NAV1: variants seen among roughly 807,000 people sequenced by gnomAD.
The protein encoded by NAV1 is neuron navigator 1, also known as pore membrane and/or filament interacting like protein 3.
NAV1 carries 18 observed loss-of-function variants against 175.2 expected under a neutral mutation model. The observed-to-expected ratio is 0.10, with a 90% CI of 0.07 to 0.15. The LOEUF (loss-of-function observed/expected upper bound fraction) is 0.15. Ranked by LOEUF, NAV1 falls within the 10% of genes least tolerant of loss-of-function variation. The pLI is 1.00. For synonymous variants in NAV1, 897 were observed against 978.7 expected (o/e 0.92, Z 1.56); for missense variants, 1,731 against 2,436.6 (o/e 0.71, Z 6.10).
chr1:201,674,532 T>A (rs1219146595), intron 1 of NAV1, among the ~76,000 whole-genome samples: 1 of 152,170 alleles, frequency 6.6e-6, no homozygotes, highest in African/African-American at 2.4e-5. Context: ...AGAGGCTGGA[T>A]AATTTATTTA....
In NAV1 at chr1:201,725,688, G is replaced by A. The variant is rs567511049; in HGVS notation, c.1226+6933G>A. On this transcript the variant is annotated intron_variant, in intron 3 of 29. Transcript: ENST00000367296. ...ATGAATAAGTGGGCTAGGCGCAGTG[G>A]CTTATGTCTGTAATCCCAGCACTTT... Among the ~76,000 whole-genome samples, 30 of 152,228 alleles carry A rather than the reference G, an allele frequency of 2.0e-4. No individual in the cohort carries two copies. In the South Asian group the frequency reaches 6.0e-3, roughly 31 times the overall value.
chr1:201,794,036 A>G (rs977096572), intron 14 of NAV1, 161 bp downstream of exon 18: 3 of 719,588 alleles, frequency 4.2e-6, no homozygotes, highest in African/African-American at 1.7e-5. Context: ...CAGTGTGAGC[A>G]TATTCCTTAT....
chr1:201,659,370 C>T (rs1032776230), intron 1 of NAV1, among the ~76,000 whole-genome samples: 3 of 152,212 alleles, frequency 2.0e-5, no homozygotes, highest in African/African-American at 7.2e-5. Context: ...AATCCCAGCA[C>T]TTTGGGAGGC....
chr1:201,601,043 A>G (rs1484938955), intron 2 of NAV1, among the ~76,000 whole-genome samples: 1 of 152,186 alleles, frequency 6.6e-6, no homozygotes, highest in Non-Finnish European at 1.5e-5. Flanking sequence ...TGGCAGCCAT[A>G]GCAGTCACCC....
chr1:201,566,934 AT>A (rs1399995397), intron 1 of NAV1, among the ~76,000 whole-genome samples: 4 of 152,260 alleles, frequency 2.6e-5, no homozygotes, highest in Non-Finnish European at 2.9e-5. Context: ...CATTTTAAAT[AT>A]TATTTCATAT....
rs113513106 is a variant in NAV1, at chr1:201,774,988, C to T, written c.1227-5433C>T. Among the ~76,000 whole-genome samples the T allele has an allele frequency of 4.9e-3, 735 of 150,462 alleles. 12 individuals carry two copies. The highest frequency in any genetic ancestry group is 0.017 in the African/African-American group (704 of 41,400). On this transcript the variant is annotated intron_variant, in intron 3 of 29. Coordinates refer to ENST00000367296, the Ensembl canonical transcript of NAV1. ...AGTGGGGCAGCAACTCAATTTGCAC[C>T]CCAGAATCCTCAAAAAGCTTCATAA...
chr1:201,553,909 A>C (rs1020905220), intron 1 of NAV1, among the ~76,000 whole-genome samples: 4 of 152,222 alleles, frequency 2.6e-5, no homozygotes, highest in African/African-American at 9.6e-5. Context: ...GATTCCTTTC[A>C]TTGCGGTAGG....
rs1285266799 is a variant in NAV1 at position 201,819,831 on chromosome 1, C to T, written c.5539-6C>T. ...CTCATAAATCCATCTTTTTGCCCCCCTTTAGATGGCCATGCTGCTGAAACT... is the reference window on the plus strand; with the variant it reads ...CTCATAAATCCATCTTTTTGCCCCCTTTTAGATGGCCATGCTGCTGAAACT... On this transcript the variant is annotated splice_polypyrimidine_tract_variant and splice_region_variant and intron_variant, in intron 29 of 29. Transcript: ENST00000367296. 2 of 1,613,922 alleles carry T rather than the reference C, an allele frequency of 1.2e-6. No individual in the cohort carries two copies. The highest frequency in any genetic ancestry group is 1.7e-4 in the Middle Eastern group (1 of 6,060).
In NAV1 at chr1:201,788,038, C is replaced by A. The variant is rs775904038; in HGVS notation, c.2996-430C>A. Among the ~76,000 whole-genome samples, 4 of 152,164 alleles carry A rather than the reference C, an allele frequency of 2.6e-5. No individual in the cohort carries two copies. The highest frequency in any genetic ancestry group is 4.4e-5 in the Non-Finnish European group (3 of 68,028). On this transcript the variant is annotated intron_variant, in intron 9 of 29. Transcript: ENST00000367296. This position sits in a 1 kb window ranked among gnomAD's most constrained non-coding sequence, Gnocchi z 5.7. ...CCTTCTCTAGCTGGTGCTTTTTCAT[C>A]ATTCAGATCTGGGTCTTGGTTTGAA...
rs118128296 is a variant in NAV1, at chr1:201,758,104, A to C, written c.1227-22317A>C. Among the ~76,000 whole-genome samples the C allele has an allele frequency of 7.2e-4, 109 of 152,300 alleles. 2 individuals carry two copies. In the East Asian group the frequency reaches 0.019, roughly 27 times the overall value. On this transcript the variant is annotated intron_variant, in intron 3 of 29. Transcript: ENST00000367296. ...TTTTGGATTCTTGCCCACGAGTTGC[A>C]TAGACTTCCTTTACAAAGTAAGGTC...
chr1:201,605,690 G>A (rs1413278289), intron 2 of NAV1, among the ~76,000 whole-genome samples: 1 of 152,198 alleles, frequency 6.6e-6, no homozygotes, highest in African/African-American at 2.4e-5. Flanking sequence ...TTTAATAGTT[G>A]CACAAGTAAG....
At chr1:201,573,613 T>C (rs1252953964) in intron 1 of NAV1, among the ~76,000 whole-genome samples, 1 of 152,146 alleles carries the variant, frequency 6.6e-6, no homozygotes, top group Non-Finnish European at 1.5e-5. Flanking sequence ...TGTCTTCTGC[T>C]CCAGGCCTGC....
chr1:201,747,001 A>C (rs1045055535), intron 3 of NAV1, among the ~76,000 whole-genome samples: 2 of 152,122 alleles, frequency 1.3e-5, no homozygotes, highest in Non-Finnish European at 2.9e-5. Flanking sequence ...CTCAAAAAAA[A>C]AAAAAAATGA....
chr1:201,723,215 C>T (rs1672464522), intron 3 of NAV1: 1 of 152,160 alleles, frequency 6.6e-6, no homozygotes, highest in South Asian at 2.1e-4. Flanking sequence ...TACTTATTAG[C>T]TATTTGTACA....
intron 6 of NAV1, 87 bp from the exon 11 acceptor site, chr1:201,783,319 A>G: frequency 7.5e-7 from 1 of 1,333,726 alleles, no homozygotes; most frequent in Non-Finnish European, 1.0e-6. Flanking sequence ...GGCAGAAAAC[A>G]AGACTGGATA....
chr1:201,539,900 A>G lies in NAV1; in HGVS notation c.-144+558A>G, dbSNP rs866696840. On this transcript the variant is annotated intron_variant, in intron 1 of 33. Transcript: ENST00000685211. This position sits in a 1 kb window ranked among gnomAD's most constrained non-coding sequence, Gnocchi z 5.6. ...ATGCGCCGGGAAGCGCCCTCCCGCCAATCTCCCGGAGGCCGTCCTCTCTGG... is the reference window on the plus strand; with the variant it reads ...ATGCGCCGGGAAGCGCCCTCCCGCCGATCTCCCGGAGGCCGTCCTCTCTGG... Among the ~76,000 whole-genome samples, 7 of 152,156 alleles carry G rather than the reference A, an allele frequency of 4.6e-5. No individual in the cohort carries two copies. In the South Asian group the frequency reaches 1.2e-3, roughly 27 times the overall value.
chr1:201,566,135 C>CG, intron 1 of NAV1, among the ~76,000 whole-genome samples: 1 of 152,172 alleles, frequency 6.6e-6, no homozygotes, highest in Non-Finnish European at 1.5e-5. Context: ...CAGTTTCCTC[C>CG]CGACACATAC....
Position 201,808,281 on chromosome 1 carries a change from C to G in NAV1, c.3845+132C>G, listed in dbSNP as rs1406618753. ...CCTCTCCCTGGGCATATGAGACCAA[C>G]AGATGGACCTTTCTTCTCATGCTGA... On this transcript the variant is annotated intron_variant, in intron 18 of 29. Coordinates refer to ENST00000367296, the Ensembl canonical transcript of NAV1. This position sits in a 1 kb window ranked among gnomAD's most constrained non-coding sequence, Gnocchi z 5.5. 8.0e-6 allele frequency: 11 copies of G among 1,381,660 alleles called. No homozygotes were observed. The Admixed American group carries it at 1.8e-4, about 22-fold the overall frequency. The allele number at this position is 1,381,660 out of a possible 1,614,324, so 85.6% of individuals were successfully genotyped here.
At chr1:201,551,806 A>C (rs1293306320) in intron 1 of NAV1, among the ~76,000 whole-genome samples, 1 of 152,100 alleles carries the variant, frequency 6.6e-6, no homozygotes, top group Non-Finnish European at 1.5e-5. Context: ...ATTGTGCATG[A>C]ATTTAGGCCT....
Sources: allele counts gnomAD v4.1 joint callset (sites outside exome capture counted in the v4.1 genomes callset), GRCh38; gene constraint gnomAD v4.1.1; non-coding constraint Gnocchi (gnomAD v3.1); transcripts MANE v1.5; gene names NCBI Gene and HGNC (gene_info 2026-07-23, HGNC 2026-07-21).